The following SAMD12 variants were observed in gnomAD, a reference collection of about 807,000 sequenced individuals.
The protein encoded by SAMD12 is sterile alpha motif domain containing 12.
SAMD12 carries 9 observed loss-of-function variants against 15.0 expected under a neutral mutation model. That is an observed-to-expected ratio of 0.60 (90% CI 0.36 to 1.05). The LOEUF (loss-of-function observed/expected upper bound fraction) is 1.05, where lower values mean the gene tolerates loss of function less well. Among genes scored for constraint, SAMD12 ranks in the 50% least tolerant of loss-of-function variants. The pLI, the probability that SAMD12 is intolerant of heterozygous loss-of-function variation, is 0.01. For synonymous variants in SAMD12, 86 were observed against 90.1 expected, an observed-to-expected ratio of 0.96 and a Z score of 0.25; for missense variants, 230 against 234.2, an observed-to-expected ratio of 0.98 and a Z score of 0.12.
At chr8:118,170,399 A>G in the SAMD12 span, among the ~76,000 whole-genome samples, 1 of 152,224 alleles carries the variant, frequency 6.6e-6, no homozygotes, top group African/African-American at 2.4e-5. Flanking sequence ...CTATATGCAT[A>G]CTTTACAAAT....
intron 3 of SAMD12, among the ~76,000 whole-genome samples, chr8:118,385,776 A>T (rs1204568456): frequency 6.6e-6 from 1 of 152,198 alleles, no homozygotes; most frequent in African/African-American, 2.4e-5. Context: ...ACATAAAGGT[A>T]ATCTTCTTTA....
chr8:118,274,759 T>G, intron 4 of SAMD12, among the ~76,000 whole-genome samples: 1 of 152,232 alleles, frequency 6.6e-6, no homozygotes, highest in East Asian at 1.9e-4. Context: ...TCCACAGTAT[T>G]CATCCATGTG....
downstream of SAMD12, among the ~76,000 whole-genome samples, chr8:118,184,615 C>A (rs1263889151): frequency 6.6e-6 from 1 of 152,152 alleles, no homozygotes; most frequent in Non-Finnish European, 1.5e-5. Context: ...TGTGCCTCAG[C>A]CTCTGGAGTA....
intron 4 of SAMD12, among the ~76,000 whole-genome samples, chr8:118,300,537 T>C (rs1468291498): frequency 6.6e-6 from 1 of 152,180 alleles, no homozygotes. Flanking sequence ...TCTTTCTGAG[T>C]GCTCAGGATG....
chr8:118,461,300 A>G (rs551648798), intron 2 of SAMD12, among the ~76,000 whole-genome samples: 1 of 152,396 alleles, frequency 6.6e-6, no homozygotes, highest in South Asian at 2.1e-4. Context: ...TTTGCTTTAT[A>G]CAATTGGCTA....
At chr8:118,140,859 C>A in the SAMD12 span, among the ~76,000 whole-genome samples, 7 of 152,130 alleles carry the variant, frequency 4.6e-5, no homozygotes, top group Admixed American at 4.6e-4. Context: ...AAACCATTGC[C>A]TTGATTCATA....
At chr8:118,266,094 A>T (rs1202728441) in intron 4 of SAMD12, among the ~76,000 whole-genome samples, 2 of 152,126 alleles carry the variant, frequency 1.3e-5, no homozygotes, top group Non-Finnish European at 2.9e-5. Context: ...ATATGGTGGC[A>T]GGCAAGACAG....
At chr8:118,283,149 C>T (rs1586422348) in intron 4 of SAMD12, among the ~76,000 whole-genome samples, 1 of 151,972 alleles carries the variant, frequency 6.6e-6, no homozygotes, top group South Asian at 2.1e-4. Context: ...TTTTATTATA[C>T]TTTAAGTTTT....
At chr8:118,218,124 G>A (rs961887925) in intron 4 of SAMD12, among the ~76,000 whole-genome samples, 1 of 152,072 alleles carries the variant, frequency 6.6e-6, no homozygotes, top group Non-Finnish European at 1.5e-5. Flanking sequence ...TACAGCCTTG[G>A]ATATTAAATT....
chr8:118,470,005 A>C (rs527782087), intron 2 of SAMD12, among the ~76,000 whole-genome samples: 107 of 152,288 alleles, frequency 7.0e-4, no homozygotes, highest in African/African-American at 2.5e-3. Context: ...ACGCACATAC[A>C]TATATATGTA....
chr8:118,549,397 C>T (rs560415655), intron 2 of SAMD12, among the ~76,000 whole-genome samples: 10 of 152,320 alleles, frequency 6.6e-5, no homozygotes, highest in East Asian at 1.9e-4. Context: ...CTGCAGACAC[C>T]GCTGCTGATA....
chr8:118,380,626 CTT>C (rs1489837394), intron 3 of SAMD12, among the ~76,000 whole-genome samples: 11 of 152,336 alleles, frequency 7.2e-5, no homozygotes, highest in Non-Finnish European at 1.3e-4. Context: ...ACCCACTACT[CTT>C]CTCCGACATT....
rs945665742 is a variant in SAMD12 at position 118,431,694 on chromosome 8, G to C, written c.322+8138C>G. Among the ~76,000 whole-genome samples, 758 of 134,558 alleles carry C rather than the reference G, an allele frequency of 5.6e-3. 10 individuals carry two copies. The highest frequency in any genetic ancestry group is 5.6e-3 in the Non-Finnish European group (362 of 64,844). 88.3% of individuals were successfully genotyped at this position (134,558 alleles called of 152,430 possible). ...TCAAAATTTTACCTTTGTCGTGTGT[G>C]TGTGTGTGTGTGTGTGTGTGTGTGT... On this transcript the variant is annotated intron_variant, in intron 3 of 3. Transcript: ENST00000314727.
intron 4 of SAMD12, among the ~76,000 whole-genome samples, chr8:118,334,202 C>T (rs543212862): frequency 1.2e-4 from 19 of 152,186 alleles, no homozygotes; most frequent in Non-Finnish European, 2.4e-4. Context: ...TTTAACAACC[C>T]GTTATTGAGC....
chr8:118,167,502 A>C, the SAMD12 span, among the ~76,000 whole-genome samples: 11,955 of 152,214 alleles, frequency 0.079, 1,136 homozygotes, highest in African/African-American at 0.23. Context: ...ATATTGGAAC[A>C]CAGACAAAAA....
chr8:118,180,763 A>AACTT, the SAMD12 span, among the ~76,000 whole-genome samples: 848 of 152,226 alleles, frequency 5.6e-3, 6 homozygotes, highest in Middle Eastern at 0.01. Context: ...AGTTTCGTCA[A>AACTT]GTTGCCCAGA....
rs565456237 is a variant in SAMD12 at position 118,471,752 on chromosome 8, G to A, written c.193-31791C>T. Among the ~76,000 whole-genome samples, 4 of 152,278 alleles carry A rather than the reference G, an allele frequency of 2.6e-5. No homozygotes were observed. In the East Asian group the frequency reaches 7.7e-4, roughly 29 times the overall value. On this transcript the variant is annotated intron_variant, in intron 2 of 3. Coordinates refer to ENST00000314727, the MANE Select transcript of SAMD12 (RefSeq NM_207506.3). ...ATTTACTGTTTTTGTTTTGGTGGTG[G>A]TGATGGCAATAGTAATGGCAGTAGT...
At chr8:118,380,299 C>G (rs555691997) in intron 3 of SAMD12, among the ~76,000 whole-genome samples, 4 of 152,266 alleles carry the variant, frequency 2.6e-5, no homozygotes, top group South Asian at 4.2e-4. Flanking sequence ...GGGAGCTATG[C>G]CTTAATCCCA....
intron 1 of SAMD12, among the ~76,000 whole-genome samples, chr8:118,582,839 G>A (rs1827330079): frequency 2.0e-5 from 3 of 151,290 alleles, no homozygotes; most frequent in Admixed American, 2.0e-4. Context: ...AGAACAAGAA[G>A]TCCAGTGATG....
Sources: allele counts gnomAD v4.1 joint callset (sites outside exome capture counted in the v4.1 genomes callset), GRCh38; gene constraint gnomAD v4.1.1; transcripts MANE v1.5; gene names NCBI Gene and HGNC (gene_info 2026-07-23, HGNC 2026-07-21).